STK17B: variants seen among roughly 807,000 people sequenced by gnomAD.
STK17B encodes serine/threonine-protein kinase 17B.
Under a neutral mutation model 42.0 loss-of-function variants are expected in STK17B, and 21 were observed. The observed-to-expected ratio is 0.50, with a 90% CI of 0.35 to 0.72. The LOEUF is 0.72. Among genes scored for constraint, STK17B ranks in the 30% least tolerant of loss-of-function variants. The pLI is 0.00. For synonymous variants in STK17B, 143 were observed against 148.4 expected, an observed-to-expected ratio of 0.96 and a Z score of 0.26; for missense variants, 349 against 446.0, an observed-to-expected ratio of 0.78 and a Z score of 1.96.
intron 1 of STK17B, among the ~76,000 whole-genome samples, chr2:196,168,395 G>C (rs933865593): frequency 4.6e-5 from 7 of 152,216 alleles, no homozygotes; most frequent in Non-Finnish European, 8.8e-5. Context: ...CAAATGCATG[G>C]TGCTTGTCAC....
At chr2:196,165,137 G>A (rs1471017121) in intron 1 of STK17B, among the ~76,000 whole-genome samples, 1 of 152,104 alleles carries the variant, frequency 6.6e-6, no homozygotes, top group East Asian at 1.9e-4. Flanking sequence ...TTGGAGACAG[G>A]GCCTTTAAAA....
rs1407318540 is a variant in STK17B at position 196,133,871 on chromosome 2, A to G, written c.*3576T>C. On this transcript the variant is annotated 3_prime_UTR_variant, in exon 8 of 8. Coordinates refer to ENST00000263955, the MANE Select transcript of STK17B (RefSeq NM_004226.4). ...TGTAATTTATGGAAAATTTACAATTATTCTTTAAAATACTTTTATAAAATT... is the reference window on the plus strand; with the variant it reads ...TGTAATTTATGGAAAATTTACAATTGTTCTTTAAAATACTTTTATAAAATT... The G allele has an allele frequency of 6.6e-6, 1 of 152,220 alleles. No homozygotes were observed. The highest frequency in any genetic ancestry group is 1.5e-5 in the Non-Finnish European group (1 of 68,028). 9.4% of individuals were successfully genotyped at this position (152,220 alleles called of 1,614,324 possible).
chr2:196,148,693 C>G (rs867058722), intron 3 of STK17B, among the ~76,000 whole-genome samples: 1 of 152,142 alleles, frequency 6.6e-6, no homozygotes. Flanking sequence ...TGTACAGCAA[C>G]ATAAATTGTT....
At chr2:196,162,970 G>A (rs1163596268) in intron 2 of STK17B, among the ~76,000 whole-genome samples, 2 of 152,074 alleles carry the variant, frequency 1.3e-5, no homozygotes, top group South Asian at 2.1e-4. Context: ...ACTTGAACTC[G>A]GCAGTCCACT....
At chr2:196,157,455 ATTTAAT>A (rs1341969777) in intron 2 of STK17B, among the ~76,000 whole-genome samples, 1 of 152,192 alleles carries the variant, frequency 6.6e-6, no homozygotes, top group East Asian at 1.9e-4. Context: ...TATTTGACTT[ATTTAAT>A]TTTATTAGTA....
At chr2:196,142,981 A>G (rs138285889) in intron 5 of STK17B, among the ~76,000 whole-genome samples, 1 of 152,384 alleles carries the variant, frequency 6.6e-6, no homozygotes, top group East Asian at 1.9e-4. Context: ...ATTTCACACA[A>G]TATGCCCAGA....
chr2:196,133,764 T>A lies in STK17B; in HGVS notation c.*3683A>T, dbSNP rs1365179079. 1.3e-5 allele frequency: 2 copies of A among 152,084 alleles called. No homozygotes were observed. Among genetic ancestry groups the A allele is most frequent in the East Asian group, 3.8e-4 (2 of 5,202 alleles). 9.4% of individuals were successfully genotyped at this position (152,084 alleles called of 1,614,324 possible). A position where few individuals can be genotyped will look rare whatever the true frequency, so the allele number is the denominator to read the frequency against. ...GCCAGAATGGTCAAGTTGATGTAGA[T>A]TTTTTTTACTGGAATACTCATAATA... On this transcript the variant is annotated 3_prime_UTR_variant, in exon 8 of 8. Transcript: ENST00000263955.
At chr2:196,162,703 GC>G (rs770755005) in intron 2 of STK17B, among the ~76,000 whole-genome samples, 83 of 151,954 alleles carry the variant, frequency 5.5e-4, no homozygotes, top group Non-Finnish European at 9.7e-4. Context: ...TTGGAGACCA[GC>G]CTGGGCAACA....
intron 3 of STK17B, 65 bp from the exon 4 acceptor site, chr2:196,146,120 G>A (rs1258738215): frequency 2.0e-5 from 28 of 1,435,614 alleles, no homozygotes; most frequent in Non-Finnish European, 2.5e-5. Context: ...TAAATATTGT[G>A]TACCTGTTAA....
intron 2 of STK17B, among the ~76,000 whole-genome samples, chr2:196,158,001 T>A (rs191959334): frequency 5.3e-5 from 8 of 152,346 alleles, no homozygotes; most frequent in Non-Finnish European, 1.0e-4. Context: ...CTTATAAGGC[T>A]GAGTATAGGG....
At position 196,136,398 on chromosome 2, in the gene STK17B, G is replaced by C. The variant is rs1454283708; in HGVS notation, c.*1049C>G. The C allele has an allele frequency of 6.6e-6, 1 of 152,604 alleles. No homozygotes were observed. The highest frequency in any genetic ancestry group is 1.5e-5 in the Non-Finnish European group (1 of 68,056). 9.5% of individuals were successfully genotyped at this position (152,604 alleles called of 1,614,324 possible). A position where few individuals can be genotyped will look rare whatever the true frequency, so the allele number is the denominator to read the frequency against. On this transcript the variant is annotated 3_prime_UTR_variant, in exon 8 of 8. Coordinates refer to ENST00000263955, the MANE Select transcript of STK17B (RefSeq NM_004226.4). ...CTCACTCACTAGGAATTTCACACAA[G>C]AACTTCAGACGAGCCTGATGTCATG...
chr2:196,142,924 G>A (rs1699513436), intron 5 of STK17B, among the ~76,000 whole-genome samples: 1 of 152,136 alleles, frequency 6.6e-6, no homozygotes, highest in Non-Finnish European at 1.5e-5. Flanking sequence ...TTTATATACT[G>A]CTTCATACAA....
At position 196,163,356 on chromosome 2, in the gene STK17B, T is replaced by G; in HGVS notation, c.28A>C (p.Ser10Arg). The change falls in exon 2 of 8, where the codon AGT becomes CGT. Residue 10 changes from serine to arginine, a missense_variant. Transcript: ENST00000263955. The stretch of plus-strand genomic sequence containing the variant: ...GTTGTAGTTAGTAGGCCTGAAATAC[T>G]TCGGCAATCAAATCTCCTCCTCGAC... MSRRRFDCR[S>R]ISGLLTTTPQ... is the part of the protein sequence containing the mutation. 5 of 1,599,364 alleles carry G rather than the reference T, an allele frequency of 3.1e-6. No homozygotes were observed. The highest frequency in any genetic ancestry group is 4.3e-6 in the Non-Finnish European group (5 of 1,176,348).
intron 3 of STK17B, among the ~76,000 whole-genome samples, chr2:196,149,453 T>C (rs1197834954): frequency 6.6e-6 from 1 of 152,162 alleles, no homozygotes; most frequent in Non-Finnish European, 1.5e-5. Context: ...CATGAGCCAC[T>C]GGGCCCAGCC....
upstream of STK17B, among the ~76,000 whole-genome samples, chr2:196,172,377 TTATATG>T (rs1299646654): frequency 1.3e-5 from 2 of 152,262 alleles, no homozygotes; most frequent in South Asian, 2.1e-4. Context: ...TAATCCTAGT[TTATATG>T]TATAGGATAC....
chr2:196,146,144 A>C, intron 3 of STK17B, 89 bp from the exon 4 acceptor site: 3 of 1,323,354 alleles, frequency 2.3e-6, no homozygotes, highest in Non-Finnish European at 3.0e-6. Context: ...AAAGACATAC[A>C]ACTATATAAA....
upstream of STK17B, among the ~76,000 whole-genome samples, chr2:196,171,728 C>G (rs35984558): frequency 1.4e-5 from 2 of 146,670 alleles, no homozygotes; most frequent in East Asian, 2.0e-4. Flanking sequence ...GGGCGGGGCC[C>G]GGCGGTGAGA....
At chr2:196,171,855 G>A (rs563293415), upstream of STK17B, among the ~76,000 whole-genome samples, 2 of 151,676 alleles carry the variant, frequency 1.3e-5, no homozygotes, top group African/African-American at 4.8e-5. Context: ...GCTGCAGAGG[G>A]GGCGCGCGGG....
At chr2:196,147,281 G>A (rs1017436358) in intron 3 of STK17B, among the ~76,000 whole-genome samples, 6 of 142,960 alleles carry the variant, frequency 4.2e-5, no homozygotes, top group Non-Finnish European at 9.1e-5. Flanking sequence ...TTGGCTCACT[G>A]CTACAACCAC....
Sources: gnomAD v4.1 joint callset for allele counts (sites outside exome capture counted in the v4.1 genomes callset) on GRCh38, gnomAD v4.1.1 for gene constraint, MANE v1.5 for transcripts, NCBI Gene and HGNC (gene_info 2026-07-23, HGNC 2026-07-21) for gene names.